The following SEMA3A variants were observed in gnomAD, a reference collection of about 807,000 sequenced individuals.
The protein encoded by SEMA3A is semaphorin-3A.
A neutral mutation model predicts 97.9 loss-of-function variants in SEMA3A; 29 were observed. The ratio of observed to expected loss-of-function variants is 0.30; its 90% CI spans 0.22 to 0.40. SEMA3A has a LOEUF of 0.40. Ranked by LOEUF, SEMA3A falls within the 10% of genes least tolerant of loss-of-function variation. The pLI is 1.00. For synonymous variants in SEMA3A, 321 were observed against 323.7 expected, an observed-to-expected ratio of 0.99 and a Z score of 0.09; for missense variants, 763 against 951.3, an observed-to-expected ratio of 0.80 and a Z score of 2.60.
intron 4 of SEMA3A, among the ~76,000 whole-genome samples, chr7:84,109,559 T>C (rs907035059): frequency 2.0e-5 from 3 of 152,234 alleles, no homozygotes; most frequent in African/African-American, 7.2e-5. Context: ...TTTGTATCAC[T>C]TTGGGACACT....
rs535652232 is a variant in SEMA3A at position 84,206,441 on chromosome 7, G to A, written c.-82-11773C>T. ...GGGTTCATGGCATTCTCCTGCCTCAGCCTCCCAAGTAGCTGGGACTATAGG... is the reference window on the plus strand; with the variant it reads ...GGGTTCATGGCATTCTCCTGCCTCAACCTCCCAAGTAGCTGGGACTATAGG... On this transcript the variant is annotated intron_variant, in intron 3 of 3. Transcript: ENST00000424555. Among the ~76,000 whole-genome samples the A allele has an allele frequency of 4.0e-5, 6 of 150,990 alleles. No individual in the cohort carries two copies. The South Asian group carries it at 1.0e-3, about 26-fold the overall frequency.
intron 1 of SEMA3A, among the ~76,000 whole-genome samples, chr7:84,177,772 C>G (rs1299920304): frequency 6.6e-6 from 1 of 152,090 alleles, no homozygotes; most frequent in Non-Finnish European, 1.5e-5. Context: ...TTCCACCTCA[C>G]AACATCTTTT....
chr7:84,187,786 G>T (rs1797929704), intron 1 of SEMA3A, among the ~76,000 whole-genome samples: 1 of 151,954 alleles, frequency 6.6e-6, no homozygotes, highest in African/African-American at 2.4e-5. Flanking sequence ...TTTAAAAGGT[G>T]TGCCAAATAA....
At chr7:84,214,785 G>T (rs1335737976) in intron 3 of SEMA3A, among the ~76,000 whole-genome samples, 1 of 147,438 alleles carries the variant, frequency 6.8e-6, no homozygotes, top group Non-Finnish European at 1.5e-5. Context: ...TGCAACCTCT[G>T]CCTCCTGGGT....
intron 1 of SEMA3A, among the ~76,000 whole-genome samples, chr7:84,475,179 T>C (rs542129198): frequency 6.6e-6 from 1 of 152,176 alleles, no homozygotes; most frequent in South Asian, 2.1e-4. Flanking sequence ...GTGTTTTGTT[T>C]TTTTTTTAAC....
intron 15 of SEMA3A, among the ~76,000 whole-genome samples, chr7:83,967,335 T>C (rs1402959971): frequency 6.6e-6 from 1 of 152,206 alleles, no homozygotes; most frequent in East Asian, 1.9e-4. Context: ...CCATTAACAA[T>C]GTGTTCTATC....
At chr7:84,292,905 T>C (rs1034194418) in intron 3 of SEMA3A, among the ~76,000 whole-genome samples, 1 of 152,102 alleles carries the variant, frequency 6.6e-6, no homozygotes, top group Non-Finnish European at 1.5e-5. Flanking sequence ...CTGAAAGTTT[T>C]TCATGTTGAC....
intron 2 of SEMA3A, among the ~76,000 whole-genome samples, chr7:84,367,023 G>A (rs904690851): frequency 1.3e-5 from 2 of 150,952 alleles, no homozygotes; most frequent in Admixed American, 6.6e-5. Context: ...AAATTGAGGT[G>A]CAGAGAATTT....
chr7:84,254,004 G>A (rs1244629842), intron 3 of SEMA3A, among the ~76,000 whole-genome samples: 1 of 152,146 alleles, frequency 6.6e-6, no homozygotes, highest in African/African-American at 2.4e-5. Flanking sequence ...TTACAAGGAG[G>A]ATAGAAAGGA....
intron 13 of SEMA3A, 45 bp from the exon 14 acceptor site, chr7:83,981,523 T>G: frequency 6.9e-7 from 1 of 1,454,752 alleles, no homozygotes; most frequent in Non-Finnish European, 9.2e-7. Context: ...TCTTGTCTTT[T>G]AAATCTCTTG....
intron 13 of SEMA3A, among the ~76,000 whole-genome samples, chr7:83,982,813 T>C (rs1012413138): frequency 2.0e-5 from 3 of 152,118 alleles, no homozygotes; most frequent in Non-Finnish European, 4.4e-5. Flanking sequence ...ATAAATTGAA[T>C]GCAGACTGAA....
intron 1 of SEMA3A, among the ~76,000 whole-genome samples, chr7:84,432,365 C>A (rs1472900458): frequency 6.6e-6 from 1 of 151,908 alleles, no homozygotes; most frequent in South Asian, 2.1e-4. Flanking sequence ...TCTTGTTTCT[C>A]TTTAGTACTA....
chr7:84,266,859 A>G (rs1800018708), intron 3 of SEMA3A, among the ~76,000 whole-genome samples: 1 of 152,190 alleles, frequency 6.6e-6, no homozygotes, highest in Non-Finnish European at 1.5e-5. Flanking sequence ...ATCAAATTAT[A>G]GTTACAGATT....
chr7:84,169,495 T>C (rs1797317374), intron 1 of SEMA3A, among the ~76,000 whole-genome samples: 1 of 149,464 alleles, frequency 6.7e-6, no homozygotes, highest in South Asian at 2.1e-4. Context: ...ATTTTTAAAT[T>C]AATTACAATA....
At chr7:84,062,251 TA>T (rs1562745421) in intron 4 of SEMA3A, among the ~76,000 whole-genome samples, 2 of 152,216 alleles carry the variant, frequency 1.3e-5, no homozygotes, top group African/African-American at 4.8e-5. Context: ...GAGATGTTTA[TA>T]TACATCACTA....
At chr7:84,282,243 A>C (rs1271830727) in intron 3 of SEMA3A, among the ~76,000 whole-genome samples, 1 of 152,186 alleles carries the variant, frequency 6.6e-6, no homozygotes, top group Non-Finnish European at 1.5e-5. Context: ...AGTTAAAAAA[A>C]ACATTATTCC....
chr7:84,152,908 G>T (rs1036619577), intron 1 of SEMA3A, among the ~76,000 whole-genome samples: 1 of 151,942 alleles, frequency 6.6e-6, no homozygotes, highest in Non-Finnish European at 1.5e-5. Flanking sequence ...TAGCAGAATT[G>T]TAAAATTGAG....
At chr7:84,376,889 GTTGT>G (rs1803119229) in intron 1 of SEMA3A, among the ~76,000 whole-genome samples, 1 of 151,712 alleles carries the variant, frequency 6.6e-6, no homozygotes, top group African/African-American at 2.4e-5. Context: ...TTGCTCTTGA[GTTGT>G]TTGAGATTTT....
intron 12 of SEMA3A, 95 bp downstream of exon 12, chr7:84,001,860 T>G: frequency 1.3e-6 from 1 of 749,680 alleles, no homozygotes; most frequent in South Asian, 1.8e-5. Flanking sequence ...GTATGTATGC[T>G]AGACTACTTG....
Sources: gnomAD v4.1 joint callset for allele counts (sites outside exome capture counted in the v4.1 genomes callset) on GRCh38, gnomAD v4.1.1 for gene constraint, MANE v1.5 for transcripts, NCBI Gene and HGNC (gene_info 2026-07-23, HGNC 2026-07-21) for gene names.